The following ZNF488 variants were observed in gnomAD, a reference collection of about 807,000 sequenced individuals.
ZNF488 encodes zinc finger protein 488.
Under a neutral mutation model 1.2 loss-of-function variants are expected in ZNF488, and 1 was observed. That is an observed-to-expected ratio of 0.86 (90% confidence interval 0.30 to 4.07). The LOEUF (loss-of-function observed/expected upper bound fraction) is 4.07. ZNF488 is among the 30% of genes most tolerant of loss of function. The pLI, the probability that ZNF488 is intolerant of heterozygous loss-of-function variation, is 0.18. For synonymous variants in ZNF488, 185 were observed against 190.1 expected (o/e 0.97, Z 0.22); for missense variants, 450 against 437.9 (o/e 1.03, Z -0.25).
chr10:47,381,661 C>T (rs907927330), intron 1 of ZNF488, among the ~76,000 whole-genome samples: 3 of 38,368 alleles, frequency 7.8e-5, no homozygotes, highest in African/African-American at 1.7e-4. Flanking sequence ...AGACTGCGAA[C>T]ACAGCCAGTA....
chr10:47,375,626 A>G (rs1732727838), intron 1 of ZNF488, among the ~76,000 whole-genome samples: 1 of 152,246 alleles, frequency 6.6e-6, no homozygotes, highest in South Asian at 2.1e-4. Flanking sequence ...CGAAACTATT[A>G]TGTGATTTAG....
chr10:47,368,169 G>C lies in ZNF488; in HGVS notation c.661C>G (p.Gln221Glu), dbSNP rs781866799. Residue 221 changes from glutamine (Q) to glutamate (E), a missense_variant, in exon 2 of 2, where the codon CAA becomes GAA. Transcript: ENST00000585316. ...AGTGGAGCATTCTGTGGCAATGCTTGCAAGTTCCACAAATCACCAACCAAA... is the reference window on the plus strand; with the variant it reads ...AGTGGAGCATTCTGTGGCAATGCTTCCAAGTTCCACAAATCACCAACCAAA... Reference protein sequence around the residue: ...KLLVGDLWNLQALPQNAPLCS... With the variant: ...KLLVGDLWNLEALPQNAPLCS... 6.2e-7 allele frequency: 1 copy of C among 1,614,044 alleles called. No individual in the cohort carries two copies. Among genetic ancestry groups the C allele is most frequent in the African/African-American group, 1.3e-5 (1 of 74,926 alleles).
In ZNF488 at chr10:47,368,259, C is replaced by A; in HGVS notation, c.571G>T (p.Glu191Ter). The change falls in exon 2 of 2, where the codon GAG (glutamate) becomes TAG (stop). Residue 191 changes from glutamate (E) to a stop codon, truncating the protein, a stop_gained. Coordinates refer to ENST00000585316, the MANE Select transcript of ZNF488 (RefSeq NM_153034.4). LOFTEE classifies it low-confidence loss of function (END_TRUNC). ...GTAGTGTTGAGGAGTCCAGACAGCT[C>A]CCCCAGGGCATCTGCAGATTCCCCT... is the stretch of plus-strand genomic sequence containing the variant. ...PAGESADALGELSGLLNTTDL... is the reference protein window; with the variant it reads ...PAGESADALG 6.2e-7 allele frequency: 1 copy of A among 1,614,200 alleles called. No homozygotes were observed. The highest frequency in any genetic ancestry group is 1.1e-5 in the South Asian group (1 of 91,082).
intron 1 of ZNF488, among the ~76,000 whole-genome samples, chr10:47,375,173 T>C (rs1837631850): frequency 6.6e-6 from 1 of 152,244 alleles, no homozygotes. Flanking sequence ...TGATCAGGAA[T>C]GTTTCAAGTT....
At chr10:47,372,816 C>G (rs538172907) in intron 1 of ZNF488, among the ~76,000 whole-genome samples, 28 of 152,316 alleles carry the variant, frequency 1.8e-4, no homozygotes, top group Non-Finnish European at 3.8e-4. Context: ...CAGTGAGATG[C>G]CACGCACCTG....
At chr10:47,375,201 C>T (rs1837634389) in intron 1 of ZNF488, among the ~76,000 whole-genome samples, 1 of 152,230 alleles carries the variant, frequency 6.6e-6, no homozygotes, top group Non-Finnish European at 1.5e-5. Flanking sequence ...TTAACTCAGA[C>T]ATTATTCAAA....
intron 1 of ZNF488, among the ~76,000 whole-genome samples, chr10:47,382,003 C>T (rs569179324): frequency 6.6e-6 from 1 of 152,276 alleles, no homozygotes; most frequent in Non-Finnish European, 1.5e-5. Context: ...CATAAAGGGA[C>T]TGAATTAGCC....
intron 1 of ZNF488, among the ~76,000 whole-genome samples, chr10:47,376,587 G>A (rs1435550594): frequency 6.6e-6 from 1 of 152,124 alleles, no homozygotes; most frequent in African/African-American, 2.4e-5. Context: ...CCTCCAAGAA[G>A]GGTGTACTCC....
intron 1 of ZNF488, among the ~76,000 whole-genome samples, chr10:47,382,368 A>G (rs1180571531): frequency 9.0e-6 from 1 of 110,514 alleles, no homozygotes; most frequent in Non-Finnish European, 2.0e-5. Context: ...TAAAAAGACA[A>G]TGATGTTCTT....
At chr10:47,378,493 G>A (rs1555214701) in intron 1 of ZNF488, among the ~76,000 whole-genome samples, 1 of 152,120 alleles carries the variant, frequency 6.6e-6, no homozygotes, top group Non-Finnish European at 1.5e-5. Context: ...TTTATCCCAG[G>A]GCTCAGGGAG....
intron 1 of ZNF488, among the ~76,000 whole-genome samples, chr10:47,370,971 A>G (rs1837446927): frequency 1.3e-5 from 2 of 152,228 alleles, no homozygotes; most frequent in South Asian, 4.1e-4. Flanking sequence ...CGCGGTAGTG[A>G]CAGTGGTGAT....
At chr10:47,369,625 T>A (rs1480025737) in intron 1 of ZNF488, among the ~76,000 whole-genome samples, 1 of 152,194 alleles carries the variant, frequency 6.6e-6, no homozygotes, top group African/African-American at 2.4e-5. Flanking sequence ...GGTCTCTGAT[T>A]TTCTCAGAGC....
chr10:47,378,281 C>T lies in ZNF488; in HGVS notation c.-109+5939G>A, dbSNP rs115462778. 6.3e-3 allele frequency among the ~76,000 whole-genome samples: 959 copies of T among 152,340 alleles called. 10 individuals are homozygous for T. Among genetic ancestry groups the T allele is most frequent in the African/African-American group, 0.021 (865 of 41,580 alleles). ...CACGGTGTGGAAGGGAAGACATGCA[C>T]TGACCACATGTAAAGGTGGCACCCA... On this transcript the variant is annotated intron_variant, in intron 1 of 1. Transcript: ENST00000585316.
In ZNF488 at chr10:47,368,196, G is replaced by T. The variant is rs782057338; in HGVS notation, c.634C>A (p.Leu212Ile). ...AAGTTCCACAAATCACCAACCAAAA[G>T]CTTGGGAGTTGAAAGTCGACCCCAA... ...ACWGRLSTPK[L>I]LVGDLWNLQA... Residue 212 changes from leucine (L) to isoleucine (I), a missense_variant, in exon 2 of 2, where the codon CTT (leucine) becomes ATT (isoleucine). By Grantham distance (5) the Leu-to-Ile change is conservative (BLOSUM62 2). Transcript: ENST00000585316. 2 of 1,614,188 alleles carry T rather than the reference G, an allele frequency of 1.2e-6. No homozygotes were observed. The highest frequency in any genetic ancestry group is 1.7e-6 in the Non-Finnish European group (2 of 1,180,032).
At chr10:47,383,363 G>C (rs1049660394) in intron 1 of ZNF488, among the ~76,000 whole-genome samples, 27 of 151,802 alleles carry the variant, frequency 1.8e-4, no homozygotes, top group Non-Finnish European at 3.7e-4. Context: ...ATGTTTCAAA[G>C]CCCTGGCCTC....
intron 1 of ZNF488, among the ~76,000 whole-genome samples, chr10:47,376,180 G>A (rs782439721): frequency 5.3e-5 from 8 of 152,200 alleles, no homozygotes; most frequent in Non-Finnish European, 1.2e-4. Flanking sequence ...TGGGAGAAAT[G>A]CTTCAAGATC....
intron 1 of ZNF488, among the ~76,000 whole-genome samples, chr10:47,380,413 T>G (rs1837887198): frequency 6.6e-6 from 1 of 152,292 alleles, no homozygotes; most frequent in African/African-American, 2.4e-5. Context: ...TTTCTGAAAC[T>G]GAGCTCCCCA....
Position 47,368,081 on chromosome 10 carries a change from G to GT in ZNF488, c.748_749insA (p.Pro250HisfsTer57). The GT allele has an allele frequency of 6.2e-7, 1 of 1,614,162 alleles. No homozygotes were observed. The highest frequency in any genetic ancestry group is 8.5e-7 in the Non-Finnish European group (1 of 1,180,012). Reference sequence around the variant, plus strand: ...CGAAGTGGTGGAGGATGATGAGGGTGGGGGCACCTGGGCCTGGGTATGCTC... The same window carrying GT: ...CGAAGTGGTGGAGGATGATGAGGGTGTGGGGCACCTGGGCCTGGGTATGCTC... On this transcript the variant is annotated frameshift_variant, in exon 2 of 2. Transcript: ENST00000585316. LOFTEE classifies it low-confidence loss of function (END_TRUNC).
intron 1 of ZNF488, among the ~76,000 whole-genome samples, chr10:47,370,270 G>C (rs1458965465): frequency 6.6e-6 from 1 of 152,286 alleles, no homozygotes; most frequent in Non-Finnish European, 1.5e-5. Flanking sequence ...ACTAGCTGTA[G>C]CAGAAGGGTA....
Sources: allele counts gnomAD v4.1 joint callset (sites outside exome capture counted in the v4.1 genomes callset), GRCh38; gene constraint gnomAD v4.1.1; transcripts MANE v1.5; gene names NCBI Gene and HGNC (gene_info 2026-07-23, HGNC 2026-07-21).